The following SIK3 variants were observed in gnomAD, a reference collection of about 807,000 sequenced individuals.
The protein encoded by SIK3 is serine/threonine-protein kinase SIK3.
Under a neutral mutation model 144.2 loss-of-function variants are expected in SIK3, and 28 were observed. That is an observed-to-expected ratio of 0.19 (90% CI 0.14 to 0.27). The LOEUF (loss-of-function observed/expected upper bound fraction) is 0.27. Among genes scored for constraint, SIK3 ranks in the 10% least tolerant of loss-of-function variants. SIK3 has a pLI of 1.00. For synonymous variants in SIK3, 686 were observed against 676.3 expected (o/e 1.01, Z -0.22); for missense variants, 1,319 against 1,776.0 (o/e 0.74, Z 4.62).
In SIK3 at chr11:116,849,045, C is replaced by A; in HGVS notation, c.3819+75G>T. 6.8e-7 allele frequency: 1 copy of A among 1,460,232 alleles called. No homozygotes were observed. Among genetic ancestry groups the A allele is most frequent in the Non-Finnish European group, 9.2e-7 (1 of 1,092,758 alleles). The allele number at this position is 1,460,232 out of a possible 1,614,324, so 90.5% of individuals were successfully genotyped here. A position where few individuals can be genotyped will look rare whatever the true frequency, so the allele number is the denominator to read the frequency against. ...GAGGAGAGCGGCCAAGAGAGGCTAC[C>A]CCACATCACTATACTCTGTTTCAAG... On this transcript the variant is annotated intron_variant, in intron 22 of 24. Coordinates refer to ENST00000445177, the MANE Select transcript of SIK3 (RefSeq NM_001366686.3). This position sits in a 1 kb window ranked among gnomAD's most constrained non-coding sequence, Gnocchi z 4.2.
intron 21 of SIK3, among the ~76,000 whole-genome samples, chr11:116,850,085 T>TTCC (rs936538701): frequency 3.9e-5 from 6 of 152,226 alleles, no homozygotes; most frequent in Admixed American, 6.5e-5. Flanking sequence ...CCACTATTGA[T>TTCC]TCCTTACTCC....
intron 1 of SIK3, among the ~76,000 whole-genome samples, chr11:117,071,021 G>A (rs1392503136): frequency 2.0e-5 from 3 of 151,946 alleles, no homozygotes; most frequent in Non-Finnish European, 2.9e-5. Context: ...GAGCCACTGC[G>A]GCCAGCCCAA....
At chr11:116,981,685 C>T (rs1210049066) in intron 1 of SIK3, among the ~76,000 whole-genome samples, 9 of 152,206 alleles carry the variant, frequency 5.9e-5, no homozygotes, top group Admixed American at 5.2e-4. Context: ...TTTCTTGCAA[C>T]TTCCTCTATT....
chr11:116,915,099 T>C (rs1040469720), intron 4 of SIK3, among the ~76,000 whole-genome samples: 30 of 150,444 alleles, frequency 2.0e-4, no homozygotes, highest in African/African-American at 6.9e-4. Flanking sequence ...AAAATTGATA[T>C]ATCATGTTTA....
chr11:116,923,486 G>C (rs1220691476), intron 4 of SIK3, among the ~76,000 whole-genome samples: 1 of 152,094 alleles, frequency 6.6e-6, no homozygotes, highest in African/African-American at 2.4e-5. Context: ...TCTCCCACTA[G>C]TCCATTAAGT....
intron 6 of SIK3, among the ~76,000 whole-genome samples, chr11:116,877,638 A>T (rs1944322320): frequency 1.3e-5 from 2 of 152,230 alleles, no homozygotes; most frequent in African/African-American, 4.8e-5. Flanking sequence ...AGGTATTTAA[A>T]ACTGGGCTGT....
intron 4 of SIK3, among the ~76,000 whole-genome samples, chr11:116,924,305 A>G (rs1947159976): frequency 6.6e-6 from 1 of 151,970 alleles, no homozygotes; most frequent in African/African-American, 2.4e-5. Flanking sequence ...CAAAAAAAAA[A>G]AAAGAAAAAA....
intron 6 of SIK3, 53 bp downstream of exon 6, chr11:116,896,200 T>A: frequency 4.4e-6 from 7 of 1,597,268 alleles, no homozygotes; most frequent in Non-Finnish European, 6.0e-6. Context: ...GATAACTGAG[T>A]GGGTCTAACT....
intron 4 of SIK3, among the ~76,000 whole-genome samples, chr11:116,926,487 A>AT (rs891693922): frequency 5.3e-5 from 8 of 152,132 alleles, no homozygotes; most frequent in Non-Finnish European, 7.4e-5. Context: ...TCTAAGATCT[A>AT]TTTTTCCTAA....
intron 14 of SIK3, chr11:116,870,020 T>C (rs1450669505): frequency 9.8e-6 from 10 of 1,023,262 alleles, no homozygotes; most frequent in Non-Finnish European, 1.3e-5. Flanking sequence ...GAGCAGGCTT[T>C]GTGCCTTGTG....
intron 1 of SIK3, among the ~76,000 whole-genome samples, chr11:117,009,744 T>G (rs1951185458): frequency 1.3e-5 from 2 of 152,160 alleles, no homozygotes; most frequent in African/African-American, 4.8e-5. Context: ...ATTCCCTACT[T>G]AATGATTAGT....
At chr11:117,087,653 T>G (rs1319709035) in intron 1 of SIK3, among the ~76,000 whole-genome samples, 1 of 152,154 alleles carries the variant, frequency 6.6e-6, no homozygotes, top group African/African-American at 2.4e-5. Flanking sequence ...AGAGCCAGTG[T>G]GGCTTGCAGT....
At chr11:116,957,138 T>A in intron 1 of SIK3, 74 bp from the exon 2 acceptor site, 2 of 716,080 alleles carry the variant, frequency 2.8e-6, no homozygotes, top group Non-Finnish European at 4.5e-6. Flanking sequence ...AGGTTCACTT[T>A]AAAACATTAC....
At chr11:116,985,507 T>TAG in intron 1 of SIK3, among the ~76,000 whole-genome samples, 1 of 152,232 alleles carries the variant, frequency 6.6e-6, no homozygotes, top group East Asian at 1.9e-4. Context: ...CTTATCCATC[T>TAG]AGACATCAAA....
At chr11:116,899,372 T>C (rs1451391868) in intron 4 of SIK3, among the ~76,000 whole-genome samples, 2 of 152,298 alleles carry the variant, frequency 1.3e-5, no homozygotes, top group South Asian at 2.1e-4. Context: ...TTGGTTACTG[T>C]AGCCTTGTAG....
intron 3 of SIK3, among the ~76,000 whole-genome samples, chr11:116,932,302 AG>A (rs1367480361): frequency 3.3e-5 from 5 of 152,220 alleles, no homozygotes; most frequent in African/African-American, 1.2e-4. Context: ...ATAGATTCAC[AG>A]GAAGTTGCAA....
chr11:117,038,829 C>T (rs962395937), intron 1 of SIK3, among the ~76,000 whole-genome samples: 1 of 151,732 alleles, frequency 6.6e-6, no homozygotes, highest in African/African-American at 2.4e-5. Context: ...GCGGGCATAT[C>T]ATCTGAGGTC....
rs557007096 is a variant in SIK3 at position 116,846,784 on chromosome 11, C to G, written c.3953-231G>C. On this transcript the variant is annotated intron_variant, in intron 23 of 24. Coordinates refer to ENST00000445177, the MANE Select transcript of SIK3 (RefSeq NM_001366686.3). This position sits in a 1 kb window ranked among gnomAD's most constrained non-coding sequence, Gnocchi z 4.1. Reference sequence around the variant, plus strand: ...TTCTGCTTTTTTCCCTTTTCCTTTACCCTTTCCCATCCTTAGGTAAGATCA... The same window carrying G: ...TTCTGCTTTTTTCCCTTTTCCTTTAGCCTTTCCCATCCTTAGGTAAGATCA... Among the ~76,000 whole-genome samples the G allele has an allele frequency of 2.0e-3, 308 of 152,316 alleles. 3 individuals are homozygous for G. Among genetic ancestry groups the G allele is most frequent in the Non-Finnish European group, 2.5e-3 (167 of 68,020 alleles).
intron 1 of SIK3, among the ~76,000 whole-genome samples, chr11:117,002,762 T>C (rs900187895): frequency 6.6e-6 from 1 of 152,236 alleles, no homozygotes; most frequent in Admixed American, 6.5e-5. Flanking sequence ...AGAGAACATG[T>C]AGGAGGAAGG....
Sources: gnomAD v4.1 joint callset for allele counts (sites outside exome capture counted in the v4.1 genomes callset) on GRCh38, gnomAD v4.1.1 for gene constraint, Gnocchi (gnomAD v3.1) non-coding constraint, MANE v1.5 for transcripts, NCBI Gene and HGNC (gene_info 2026-07-23, HGNC 2026-07-21) for gene names.